PRKCZ: variants seen among roughly 807,000 people sequenced by gnomAD.
PRKCZ encodes the protein protein kinase C zeta type.
Under a neutral mutation model 79.5 loss-of-function variants are expected in PRKCZ, and 33 were observed. That is an observed-to-expected ratio of 0.41 (90% CI 0.31 to 0.55). The LOEUF is 0.55. PRKCZ is among the 20% of genes least tolerant of loss of function. The pLI, the probability that PRKCZ is intolerant of heterozygous loss-of-function variation, is 0.19. For synonymous variants in PRKCZ, 342 were observed against 320.9 expected, an observed-to-expected ratio of 1.07 and a Z score of -0.70; for missense variants, 578 against 813.5, an observed-to-expected ratio of 0.71 and a Z score of 3.52.
intron 4 of PRKCZ, chr1:2,104,589 G>C (rs1668043656): frequency 5.5e-6 from 4 of 722,476 alleles, no homozygotes; most frequent in African/African-American, 1.9e-5. Context: ...GACAATCCCA[G>C]GTGGCAGGGG....
Position 2,136,261 on chromosome 1 carries a change from G to A in PRKCZ, c.420+914G>A, listed in dbSNP as rs187505318. On this transcript the variant is annotated intron_variant, in intron 5 of 17. Transcript: ENST00000378567. ...TGTGAGCCACTCCTCCTGCCCCTGCGTGTGCTCGGTCCCTGTCATGTGGCA... is the reference window on the plus strand; with the variant it reads ...TGTGAGCCACTCCTCCTGCCCCTGCATGTGCTCGGTCCCTGTCATGTGGCA... Among the ~76,000 whole-genome samples, 178 of 152,318 alleles carry A rather than the reference G, an allele frequency of 1.2e-3. 2 individuals carry two copies. The highest frequency in any genetic ancestry group is 3.9e-3 in the African/African-American group (163 of 41,556).
At chr1:2,130,146 T>C (rs1222856181) in intron 4 of PRKCZ, among the ~76,000 whole-genome samples, 1 of 152,200 alleles carries the variant, frequency 6.6e-6, no homozygotes, top group Non-Finnish European at 1.5e-5. Flanking sequence ...GCTCAAGTGA[T>C]CCACCTGCCT....
At chr1:2,118,963 A>G (rs760623467) in intron 4 of PRKCZ, among the ~76,000 whole-genome samples, 2 of 152,066 alleles carry the variant, frequency 1.3e-5, no homozygotes, top group Admixed American at 1.3e-4. Flanking sequence ...TAGCTTTGTC[A>G]TCTTGCTATG....
chr1:2,184,722 C>T (rs767430551), intron 17 of PRKCZ, 24 bp downstream of exon 17: 1 of 1,597,234 alleles, frequency 6.3e-7, no homozygotes, highest in Non-Finnish European at 8.6e-7. Context: ...GGTGCGGGTC[C>T]CTGGAGCACC....
intron 4 of PRKCZ, among the ~76,000 whole-genome samples, chr1:2,078,175 C>T (rs1487900321): frequency 2.0e-5 from 3 of 152,274 alleles, no homozygotes; most frequent in African/African-American, 4.8e-5. Flanking sequence ...CTCCTCTCTC[C>T]TCTGCCTACA....
At chr1:2,097,004 T>A (rs928396490) in intron 4 of PRKCZ, among the ~76,000 whole-genome samples, 1 of 152,218 alleles carries the variant, frequency 6.6e-6, no homozygotes, top group Admixed American at 6.5e-5. Context: ...CAGTCCCTGT[T>A]GAGCAAGGTC....
At chr1:2,054,491 G>A (rs1348115322) in intron 1 of PRKCZ, among the ~76,000 whole-genome samples, 1 of 151,878 alleles carries the variant, frequency 6.6e-6, no homozygotes, top group African/African-American at 2.4e-5. Flanking sequence ...GGGAGTCCGT[G>A]AGCTTCCCCA....
chr1:2,092,453 C>A (rs755191776), intron 4 of PRKCZ, among the ~76,000 whole-genome samples: 1 of 152,040 alleles, frequency 6.6e-6, no homozygotes, highest in African/African-American at 2.4e-5. Flanking sequence ...GGGACTCGGC[C>A]GCGCCCTCCC....
At chr1:2,142,359 A>G (rs568599147) in intron 5 of PRKCZ, 10 of 75,348 alleles carry the variant, frequency 1.3e-4, no homozygotes, top group East Asian at 1.0e-3. Flanking sequence ...CAGGGTCCAC[A>G]CATCCAGCAG....
intron 5 of PRKCZ, among the ~76,000 whole-genome samples, chr1:2,140,603 G>C (rs1173777479): frequency 3.9e-5 from 6 of 152,142 alleles, no homozygotes; most frequent in African/African-American, 1.4e-4. Context: ...GTTTCAGTGA[G>C]CTGAGAACAT....
rs377050982 is a variant in PRKCZ, at chr1:2,135,481, A to G, written c.420+134A>G. The G allele has an allele frequency of 7.4e-5, 58 of 783,714 alleles. No individual in the cohort carries two copies. The African/African-American group carries it at 9.3e-4, about 13-fold the overall frequency. The allele number at this position is 783,714 out of a possible 1,614,324, so 48.5% of individuals were successfully genotyped here. Reference sequence around the variant, plus strand: ...GGCGCCCGAGGGCAAGGTTACAGAAATGCTTTCTCTGGTGCAGGATGAGGC... The same window carrying G: ...GGCGCCCGAGGGCAAGGTTACAGAAGTGCTTTCTCTGGTGCAGGATGAGGC... On this transcript the variant is annotated intron_variant, in intron 5 of 17. Transcript: ENST00000378567.
chr1:2,140,067 T>G (rs901266517), intron 5 of PRKCZ, among the ~76,000 whole-genome samples: 2 of 151,564 alleles, frequency 1.3e-5, no homozygotes, highest in Non-Finnish European at 2.9e-5. Context: ...AGAGTGAGGG[T>G]GGGGAAGGGA....
At chr1:2,107,073 G>A (rs1184724549) in intron 4 of PRKCZ, among the ~76,000 whole-genome samples, 1 of 152,274 alleles carries the variant, frequency 6.6e-6, no homozygotes, top group Non-Finnish European at 1.5e-5. Context: ...TGAGATCAAA[G>A]TTAAAAGAAG....
intron 4 of PRKCZ, among the ~76,000 whole-genome samples, chr1:2,072,425 C>T (rs972387081): frequency 2.6e-5 from 4 of 152,190 alleles, no homozygotes; most frequent in African/African-American, 9.7e-5. Flanking sequence ...CCTCTTGCCT[C>T]GCGGGGCCAT....
intron 11 of PRKCZ, chr1:2,171,425 G>C (rs1190333097): frequency 2.0e-5 from 3 of 149,936 alleles, no homozygotes; most frequent in Admixed American, 2.0e-4. Context: ...GAATGCAGTG[G>C]TGGGATCTCA....
At chr1:2,056,427 C>G in intron 2 of PRKCZ, 57 bp from the exon 3 acceptor site, 1 of 1,510,116 alleles carries the variant, frequency 6.6e-7, no homozygotes, top group Non-Finnish European at 9.1e-7. Context: ...GGGCTCGTCA[C>G]AGCCCCCTTT....
At chr1:2,090,955 A>G (rs939969145) in intron 4 of PRKCZ, among the ~76,000 whole-genome samples, 1 of 152,240 alleles carries the variant, frequency 6.6e-6, no homozygotes, top group South Asian at 2.1e-4. Flanking sequence ...CTTAAATATC[A>G]TCTTTTCAAA....
intron 4 of PRKCZ, among the ~76,000 whole-genome samples, chr1:2,066,433 C>A (rs1254107915): frequency 1.3e-5 from 2 of 152,176 alleles, no homozygotes; most frequent in Non-Finnish European, 2.9e-5. Context: ...ACCTCTGCCT[C>A]CTGGGTTCAA....
chr1:2,105,588 C>CG (rs1668253048), intron 4 of PRKCZ, among the ~76,000 whole-genome samples: 2 of 152,206 alleles, frequency 1.3e-5, no homozygotes, highest in Admixed American at 1.3e-4. Flanking sequence ...TTAGTAGAGA[C>CG]GGGGTTTCAC....
Sources: allele counts gnomAD v4.1 joint callset (sites outside exome capture counted in the v4.1 genomes callset), GRCh38; gene constraint gnomAD v4.1.1; transcripts MANE v1.5; gene names NCBI Gene and HGNC (gene_info 2026-07-23, HGNC 2026-07-21).